The following ANTXR2 variants were observed in gnomAD, a reference collection of about 807,000 sequenced individuals.
The protein encoded by ANTXR2 is anthrax toxin receptor 2.
In ANTXR2, 44 loss-of-function variants were observed where a neutral mutation model predicts 73.7. The observed-to-expected ratio is 0.60, with a 90% CI of 0.47 to 0.77. The LOEUF (loss-of-function observed/expected upper bound fraction) is 0.77, where lower values mean the gene tolerates loss of function less well. ANTXR2 is among the 30% of genes least tolerant of loss of function. The probability of loss-of-function intolerance (pLI) is 0.00; values close to 1 mark genes in which losing one functional copy is unlikely to be tolerated. For missense variants in ANTXR2, 604 were observed against 592.5 expected, an observed-to-expected ratio of 1.02 and a Z score of -0.20; for synonymous variants, 217 against 205.9, an observed-to-expected ratio of 1.05 and a Z score of -0.46.
intron 2 of ANTXR2, among the ~76,000 whole-genome samples, chr4:80,070,691 C>G (rs1267450809): frequency 6.6e-6 from 1 of 152,186 alleles, no homozygotes; most frequent in Non-Finnish European, 1.5e-5. Flanking sequence ...TAGGCCTCTA[C>G]AGATTGTTTG....
At chr4:79,993,926 G>C (rs950721993) in intron 12 of ANTXR2, among the ~76,000 whole-genome samples, 35 of 151,520 alleles carry the variant, frequency 2.3e-4, no homozygotes, top group Non-Finnish European at 5.2e-4. Context: ...GGTTATCTTG[G>C]TCAGTTTTTT....
chr4:80,008,391 G>T, intron 12 of ANTXR2, 130 bp downstream of exon 12: 1 of 617,320 alleles, frequency 1.6e-6, no homozygotes, highest in Non-Finnish European at 2.7e-6. Flanking sequence ...TTATAGTAGT[G>T]AAGACAATTA....
At chr4:80,010,647 T>C (rs570659878) in intron 11 of ANTXR2, among the ~76,000 whole-genome samples, 3 of 152,288 alleles carry the variant, frequency 2.0e-5, no homozygotes, top group South Asian at 2.1e-4. Context: ...CTTCTATGCA[T>C]GTGCCAAGAA....
chr4:79,978,334 T>C (rs965524174), intron 14 of ANTXR2, among the ~76,000 whole-genome samples, 160 bp from the exon 15 acceptor site: 6 of 151,592 alleles, frequency 4.0e-5, no homozygotes, highest in Non-Finnish European at 5.9e-5. Flanking sequence ...TAAATAGGTT[T>C]CTCACCACTC....
intron 3 of ANTXR2, among the ~76,000 whole-genome samples, chr4:80,060,876 C>A (rs1227838460): frequency 6.6e-6 from 1 of 152,126 alleles, no homozygotes; most frequent in Non-Finnish European, 1.5e-5. Context: ...GATTGTTTCT[C>A]ATGGCACTGT....
At chr4:80,031,283 CGTGT>C (rs1732679436) in intron 10 of ANTXR2, among the ~76,000 whole-genome samples, 2 of 147,062 alleles carry the variant, frequency 1.4e-5, no homozygotes, top group South Asian at 4.3e-4. Context: ...CATGTGTGTG[CGTGT>C]GCATGTGTGT....
At chr4:79,915,796 CTCTCTG>C (rs1373931364) in intron 16 of ANTXR2, among the ~76,000 whole-genome samples, 18 of 144,666 alleles carry the variant, frequency 1.2e-4, no homozygotes, top group African/African-American at 2.1e-4. Context: ...ACATCTTTCT[CTCTCTG>C]TCTCTGTCTC....
intron 12 of ANTXR2, among the ~76,000 whole-genome samples, chr4:80,007,737 A>G (rs1731376172): frequency 6.6e-6 from 1 of 152,168 alleles, no homozygotes; most frequent in African/African-American, 2.4e-5. Context: ...TGAGGCAAAG[A>G]ATCTGAGTAG....
At chr4:79,986,448 G>A (rs1000634687) in intron 12 of ANTXR2, among the ~76,000 whole-genome samples, 2 of 152,080 alleles carry the variant, frequency 1.3e-5, no homozygotes, top group African/African-American at 2.4e-5. Flanking sequence ...TTTAAAGACT[G>A]TTTGTCTTTT....
At chr4:80,067,121 G>T (rs1216843866) in intron 3 of ANTXR2, among the ~76,000 whole-genome samples, 5 of 152,054 alleles carry the variant, frequency 3.3e-5, no homozygotes, top group African/African-American at 1.2e-4. Flanking sequence ...CAGGAGAATG[G>T]TGTGAACCTG....
intron 16 of ANTXR2, among the ~76,000 whole-genome samples, chr4:79,928,201 A>T (rs1414426516): frequency 6.6e-6 from 1 of 152,254 alleles, no homozygotes; most frequent in Non-Finnish European, 1.5e-5. Flanking sequence ...ATTTAGATAC[A>T]TGTTACAACA....
chr4:80,061,080 T>C (rs1250245075), intron 3 of ANTXR2, among the ~76,000 whole-genome samples: 1 of 152,120 alleles, frequency 6.6e-6, no homozygotes, highest in Admixed American at 6.6e-5. Context: ...CTTCCTAGCA[T>C]GGTGGTCTCA....
intron 16 of ANTXR2, among the ~76,000 whole-genome samples, chr4:79,976,496 A>ACAATGACC (rs1729643547): frequency 6.6e-6 from 1 of 152,200 alleles, no homozygotes. Flanking sequence ...ACTTTCCATG[A>ACAATGACC]CAATGACCCG....
chr4:80,043,317 G>A (rs1437390950), intron 7 of ANTXR2, among the ~76,000 whole-genome samples: 1 of 151,942 alleles, frequency 6.6e-6, no homozygotes. Flanking sequence ...TTTGATCTCT[G>A]CAATAACAGT....
At chr4:79,929,224 G>T (rs1025155650) in intron 16 of ANTXR2, among the ~76,000 whole-genome samples, 1 of 152,118 alleles carries the variant, frequency 6.6e-6, no homozygotes, top group Non-Finnish European at 1.5e-5. Context: ...TTAAAAAGGC[G>T]TGTTGGGAGG....
At chr4:79,986,387 T>A (rs1206832106) in intron 12 of ANTXR2, among the ~76,000 whole-genome samples, 1 of 152,208 alleles carries the variant, frequency 6.6e-6, no homozygotes, top group African/African-American at 2.4e-5. Context: ...TTTTACCTCA[T>A]CAAAGAATTA....
At chr4:80,060,615 C>A (rs889216800) in intron 3 of ANTXR2, among the ~76,000 whole-genome samples, 1 of 152,260 alleles carries the variant, frequency 6.6e-6, no homozygotes, top group East Asian at 1.9e-4. Context: ...CCCCATGGGG[C>A]CACTGTAAGG....
intron 16 of ANTXR2, among the ~76,000 whole-genome samples, chr4:79,959,586 T>C (rs1729068922): frequency 6.6e-6 from 1 of 152,218 alleles, no homozygotes; most frequent in Admixed American, 6.5e-5. Context: ...ATTAGAAAGT[T>C]AAAATCTTGA....
intron 16 of ANTXR2, among the ~76,000 whole-genome samples, chr4:79,947,820 T>C (rs1728569923): frequency 6.6e-6 from 1 of 152,192 alleles, no homozygotes; most frequent in Non-Finnish European, 1.5e-5. Flanking sequence ...TATTCATAAA[T>C]TTAATTTCAC....
Sources: gnomAD v4.1 joint callset for allele counts (sites outside exome capture counted in the v4.1 genomes callset) on GRCh38, gnomAD v4.1.1 for gene constraint, MANE v1.5 for transcripts, NCBI Gene and HGNC (gene_info 2026-07-23, HGNC 2026-07-21) for gene names.